The following GALK2 variants were observed in gnomAD, a reference collection of about 807,000 sequenced individuals.
GALK2 encodes the protein N-acetylgalactosamine kinase.
In GALK2, 36 loss-of-function variants were observed where a neutral mutation model predicts 52.4. The observed-to-expected ratio is 0.69, with a 90% CI of 0.53 to 0.91. The LOEUF (loss-of-function observed/expected upper bound fraction) is 0.91, where lower values mean the gene tolerates loss of function less well. GALK2 is among the 40% of genes least tolerant of loss of function. The pLI, the probability that GALK2 is intolerant of heterozygous loss-of-function variation, is 0.00. For synonymous variants in GALK2, 176 were observed against 199.1 expected (o/e 0.88, Z 0.98); for missense variants, 579 against 559.1 (o/e 1.04, Z -0.36).
intron 5 of GALK2, among the ~76,000 whole-genome samples, chr15:49,274,179 A>G (rs969813109): frequency 6.6e-6 from 1 of 152,154 alleles, no homozygotes; most frequent in African/African-American, 2.4e-5. Flanking sequence ...ATGTGCTGTT[A>G]GGTGATTTTG....
downstream of GALK2, among the ~76,000 whole-genome samples, chr15:49,332,960 T>A (rs145397778): frequency 9.2e-5 from 14 of 151,900 alleles, no homozygotes; most frequent in South Asian, 2.1e-4. Flanking sequence ...TCCTCCTTGC[T>A]GATTGCTCTT....
intron 1 of GALK2, among the ~76,000 whole-genome samples, chr15:49,191,836 A>G (rs1212816027): frequency 6.7e-6 from 1 of 148,270 alleles, no homozygotes; most frequent in Non-Finnish European, 1.5e-5. Context: ...TATTACTACA[A>G]TGATCTCTAA....
chr15:49,348,019 C>CAAA (rs67614443), intron 3 of GALK2, among the ~76,000 whole-genome samples: 71 of 69,902 alleles, frequency 1.0e-3, no homozygotes, highest in Non-Finnish European at 1.1e-3. Context: ...AACTCTGTCT[C>CAAA]AAAAAAAAAA....
At chr15:49,302,677 C>T (rs144894923) in intron 8 of GALK2, among the ~76,000 whole-genome samples, 1 of 152,260 alleles carries the variant, frequency 6.6e-6, no homozygotes, top group African/African-American at 2.4e-5. Context: ...GCACTAAACT[C>T]TGTGATCTCA....
intron 5 of GALK2, among the ~76,000 whole-genome samples, chr15:49,269,577 A>C (rs1390101474): frequency 6.6e-6 from 1 of 152,172 alleles, no homozygotes; most frequent in Non-Finnish European, 1.5e-5. Context: ...TGTAGAACAG[A>C]ATATTTATAA....
chr15:49,195,413 T>C lies in GALK2; in HGVS notation c.54-5749T>C, dbSNP rs544832443. Among the ~76,000 whole-genome samples, 6 of 152,322 alleles carry C rather than the reference T, an allele frequency of 3.9e-5. No homozygotes were observed. The South Asian group carries it at 1.2e-3, about 32-fold the overall frequency. The stretch of plus-strand genomic sequence containing the variant: ...TTGTCTTTCAAGAATGTTTAAAAAC[T>C]TTTCTTAAATAGATTTTGCACGTTT... On this transcript the variant is annotated intron_variant, in intron 1 of 9. Coordinates refer to ENST00000560031, the MANE Select transcript of GALK2 (RefSeq NM_002044.4).
In GALK2 at chr15:49,277,621, C is replaced by G. The variant is rs539908533; in HGVS notation, c.505-4366C>G. ...GACCATCCTGGCTAACACAGTGAAA[C>G]CCCGTCTCTACTAAAAATACAAAAA... On this transcript the variant is annotated intron_variant, in intron 5 of 9. Coordinates refer to ENST00000560031, the MANE Select transcript of GALK2 (RefSeq NM_002044.4). Among the ~76,000 whole-genome samples, 253 of 148,622 alleles carry G rather than the reference C, an allele frequency of 1.7e-3. 1 individual carries two copies. The highest frequency in any genetic ancestry group is 6.2e-3 in the African/African-American group (252 of 40,552).
intron 3 of GALK2, among the ~76,000 whole-genome samples, chr15:49,359,799 T>C (rs1177247901): frequency 7.3e-6 from 1 of 137,606 alleles, no homozygotes; most frequent in African/African-American, 2.8e-5. Context: ...TGTATGTTTA[T>C]TGCGTCATTA....
chr15:49,266,179 G>A (rs2092353865), intron 5 of GALK2, among the ~76,000 whole-genome samples: 2 of 152,102 alleles, frequency 1.3e-5, no homozygotes, highest in African/African-American at 4.8e-5. Context: ...GTCCAGGCTT[G>A]TCCAAATGGA....
chr15:49,293,617 G>A (rs539294896), intron 8 of GALK2, among the ~76,000 whole-genome samples: 2 of 152,280 alleles, frequency 1.3e-5, no homozygotes, highest in Admixed American at 6.5e-5. Context: ...GCTGGCTCTC[G>A]TTCCAGAAAG....
chr15:49,285,854 TC>T (rs1287423806), intron 7 of GALK2, among the ~76,000 whole-genome samples: 2 of 152,178 alleles, frequency 1.3e-5, no homozygotes, highest in Non-Finnish European at 2.9e-5. Context: ...TTCAAAAGCT[TC>T]CTATTTCGTT....
chr15:49,171,144 G>T (rs1375263817), intron 1 of GALK2, among the ~76,000 whole-genome samples: 1 of 146,080 alleles, frequency 6.8e-6, no homozygotes, highest in African/African-American at 2.5e-5. Flanking sequence ...GTGCAGTGGC[G>T]CCATCTTGGC....
At chr15:49,248,057 T>C (rs1283391782) in intron 5 of GALK2, among the ~76,000 whole-genome samples, 1 of 152,222 alleles carries the variant, frequency 6.6e-6, no homozygotes, top group East Asian at 1.9e-4. Flanking sequence ...TTCACTTTTC[T>C]GAGTTTACAA....
chr15:49,184,344 T>C (rs1212867214), intron 1 of GALK2, among the ~76,000 whole-genome samples: 3 of 152,180 alleles, frequency 2.0e-5, no homozygotes, highest in East Asian at 1.9e-4. Flanking sequence ...TCTGTTTTCT[T>C]TTTCAGTCTA....
chr15:49,277,991 G>A (rs1381663601), intron 5 of GALK2, among the ~76,000 whole-genome samples: 4 of 151,862 alleles, frequency 2.6e-5, no homozygotes, highest in African/African-American at 7.3e-5. Flanking sequence ...GGCTGGGTGC[G>A]GTGGCTCACG....
chr15:49,177,597 T>G (rs1168833040), intron 1 of GALK2: 1 of 180,924 alleles, frequency 5.5e-6, no homozygotes, highest in Non-Finnish European at 1.2e-5. Context: ...AAACATTACT[T>G]ACATTAGTGG....
chr15:49,183,614 C>T (rs957755556), intron 1 of GALK2, among the ~76,000 whole-genome samples: 3 of 152,248 alleles, frequency 2.0e-5, no homozygotes, highest in East Asian at 3.9e-4. Context: ...GAGGCCAAGG[C>T]GGGCGGATCA....
chr15:49,235,832 G>A lies in GALK2; in HGVS notation c.267-19G>A. Reference sequence around the variant, plus strand: ...AAGGCCTACAGATTTTAAATTAATGGTGTCTTTTGTCTTCGCAGGGACTTC... The same window carrying A: ...AAGGCCTACAGATTTTAAATTAATGATGTCTTTTGTCTTCGCAGGGACTTC... On this transcript the variant is annotated intron_variant, in intron 3 of 9. Coordinates refer to ENST00000560031, the MANE Select transcript of GALK2 (RefSeq NM_002044.4). The A allele has an allele frequency of 1.3e-6, 2 of 1,551,174 alleles. No homozygotes were observed. The highest frequency in any genetic ancestry group is 1.8e-6 in the Non-Finnish European group (2 of 1,124,804).
intron 8 of GALK2, among the ~76,000 whole-genome samples, chr15:49,297,027 G>T (rs1371768082): frequency 6.6e-6 from 1 of 152,176 alleles, no homozygotes; most frequent in Non-Finnish European, 1.5e-5. Flanking sequence ...CACAATGGCT[G>T]AATTAATTTA....
Sources: gnomAD v4.1 joint callset for allele counts (sites outside exome capture counted in the v4.1 genomes callset) on GRCh38, gnomAD v4.1.1 for gene constraint, MANE v1.5 for transcripts, NCBI Gene and HGNC (gene_info 2026-07-23, HGNC 2026-07-21) for gene names.